LY75: variants seen among roughly 807,000 people sequenced by gnomAD.
LY75 encodes the protein C-type lectin domain family 13 member B.
Under a neutral mutation model 231.7 loss-of-function variants are expected in LY75, and 185 were observed. The observed-to-expected ratio is 0.80, with a 90% CI of 0.71 to 0.90. The LOEUF (loss-of-function observed/expected upper bound fraction) is 0.90. Among genes scored for constraint, LY75 ranks in the 40% least tolerant of loss-of-function variants. The pLI is 0.00. For missense variants in LY75, 1,947 were observed against 2,050.2 expected, an observed-to-expected ratio of 0.95 and a Z score of 0.97; for synonymous variants, 668 against 689.0, an observed-to-expected ratio of 0.97 and a Z score of 0.48.
At chr2:159,807,369 A>G (rs139915895) in intron 33 of LY75, among the ~76,000 whole-genome samples, 2 of 152,370 alleles carry the variant, frequency 1.3e-5, no homozygotes, top group East Asian at 1.9e-4. Flanking sequence ...GACAGTGCAG[A>G]TATAGAACAT....
intron 2 of LY75, among the ~76,000 whole-genome samples, chr2:159,894,369 T>C (rs1685848223): frequency 6.6e-6 from 1 of 152,146 alleles, no homozygotes; most frequent in African/African-American, 2.4e-5. Flanking sequence ...TCACTTACTG[T>C]GGTGTGATGA....
rs138452464 is a variant in LY75 at position 159,866,022 on chromosome 2, A to G, written c.2118-1102T>C. On this transcript the variant is annotated intron_variant, in intron 13 of 34. Transcript: ENST00000263636. Reference sequence around the variant, plus strand: ...TTTTAGGCGACCAATAATATTCCACATAATTTAACCTTTTGTTGGTACATG... The same window carrying G: ...TTTTAGGCGACCAATAATATTCCACGTAATTTAACCTTTTGTTGGTACATG... 3.5e-3 allele frequency among the ~76,000 whole-genome samples: 540 copies of G among 152,318 alleles called. 5 individuals carry two copies. Among genetic ancestry groups the G allele is most frequent in the African/African-American group, 0.012 (507 of 41,578 alleles).
intron 31 of LY75, among the ~76,000 whole-genome samples, chr2:159,813,187 G>T (rs1418230742): frequency 6.6e-6 from 1 of 152,162 alleles, no homozygotes; most frequent in African/African-American, 2.4e-5. Context: ...TGAAGTGCTG[G>T]ATCACATAGT....
chr2:159,847,861 A>T (rs1684249969), intron 23 of LY75, among the ~76,000 whole-genome samples: 1 of 152,030 alleles, frequency 6.6e-6, no homozygotes, highest in South Asian at 2.1e-4. Flanking sequence ...GGTAATGTGA[A>T]ATATAGGCTA....
chr2:159,889,611 A>C (rs1435232190), intron 4 of LY75, among the ~76,000 whole-genome samples: 1 of 151,914 alleles, frequency 6.6e-6, no homozygotes, highest in Non-Finnish European at 1.5e-5. Context: ...ACAAGGTGAT[A>C]CTTAAATTCT....
intron 33 of LY75, among the ~76,000 whole-genome samples, 174 bp from the exon 34 acceptor site, chr2:159,807,314 T>G (rs1459537080): frequency 6.6e-6 from 1 of 152,234 alleles, no homozygotes; most frequent in African/African-American, 2.4e-5. Context: ...ACTAGTCACA[T>G]TTCAAGTGCT....
chr2:159,854,760 A>T, intron 17 of LY75, 144 bp downstream of exon 17: 1 of 1,269,288 alleles, frequency 7.9e-7, no homozygotes, highest in African/African-American at 1.5e-5. Context: ...CTCATCCCAT[A>T]CCAGTCGCTC....
At chr2:159,886,610 A>G in intron 4 of LY75, 80 bp from the exon 5 acceptor site, 7 of 1,382,260 alleles carry the variant, frequency 5.1e-6, no homozygotes, top group Non-Finnish European at 6.8e-6. Context: ...TACTAATAAC[A>G]AACAAATCTG....
chr2:159,888,347 C>A (rs1257898333), intron 4 of LY75, among the ~76,000 whole-genome samples: 1 of 152,158 alleles, frequency 6.6e-6, no homozygotes. Context: ...CTGTGAATAT[C>A]CACTGCACAC....
intron 1 of LY75, among the ~76,000 whole-genome samples, chr2:159,900,485 T>C (rs901452556): frequency 6.6e-6 from 1 of 152,208 alleles, no homozygotes; most frequent in African/African-American, 2.4e-5. Context: ...CTGTAAAATT[T>C]TGGTTCCCAA....
chr2:159,860,885 G>A lies in LY75; in HGVS notation c.2204C>T (p.Ser735Phe). 6.2e-7 allele frequency: 1 copy of A among 1,613,894 alleles called. No homozygotes were observed. The highest frequency in any genetic ancestry group is 8.5e-7 in the Non-Finnish European group (1 of 1,179,858). ...AAACTCATTTGGCATGATAATAGTA[G>A]ACACCTGAAAAGACAAGAGAGGCTT... The part of the protein sequence containing the change: ...SWQWSDRTPV[S>F]TIIMPNEFQQ... Residue 735 changes from serine to phenylalanine, a missense_variant, in exon 15 of 35, where the codon TCT becomes TTT. Transcript: ENST00000263636.
intron 2 of LY75, among the ~76,000 whole-genome samples, chr2:159,897,828 A>C (rs952573992): frequency 6.6e-6 from 1 of 152,236 alleles, no homozygotes; most frequent in Non-Finnish European, 1.5e-5. Flanking sequence ...AATGGTTAAA[A>C]AAATAAATCT....
intron 23 of LY75, 65 bp from the exon 24 acceptor site, chr2:159,842,439 A>G (rs1684066001): frequency 5.3e-6 from 8 of 1,499,330 alleles, no homozygotes; most frequent in Non-Finnish European, 7.2e-6. Flanking sequence ...CTAGCAAGAA[A>G]AGTTTAGATT....
At chr2:159,823,183 G>A (rs545600663) in intron 28 of LY75, among the ~76,000 whole-genome samples, 9 of 152,212 alleles carry the variant, frequency 5.9e-5, no homozygotes, top group African/African-American at 2.2e-4. Flanking sequence ...CCCAATGCAA[G>A]GAAGCTAAGA....
At chr2:159,899,138 A>C in intron 1 of LY75, 79 bp from the exon 2 acceptor site, 2 of 1,536,436 alleles carry the variant, frequency 1.3e-6, no homozygotes, top group Admixed American at 3.8e-5. Flanking sequence ...GAGTCTGAGC[A>C]CTACTGGACT....
chr2:159,852,714 C>T lies in LY75; in HGVS notation c.2744-374G>A, dbSNP rs527362613. On this transcript the variant is annotated intron_variant, in intron 20 of 34. Coordinates refer to ENST00000263636, the MANE Select transcript of LY75 (RefSeq NM_002349.4). ...GATTACAGGCATGAGCCACCGTGCC[C>T]GGCCAAGTCAGCACATTTTAAAAGC... is the stretch of plus-strand genomic sequence containing the variant. Among the ~76,000 whole-genome samples, 6 of 152,238 alleles carry T rather than the reference C, an allele frequency of 3.9e-5. No individual in the cohort carries two copies. In the South Asian group the frequency reaches 6.2e-4, roughly 16 times the overall value.
chr2:159,874,561 T>C (rs1433288810), intron 12 of LY75, among the ~76,000 whole-genome samples: 1 of 56,092 alleles, frequency 1.8e-5, no homozygotes, highest in Non-Finnish European at 4.0e-5. Flanking sequence ...ATTTTGTAAA[T>C]CTATATAAAT....
At chr2:159,892,591 G>C (rs1265035122) in intron 3 of LY75, among the ~76,000 whole-genome samples, 1 of 152,140 alleles carries the variant, frequency 6.6e-6, no homozygotes, top group Non-Finnish European at 1.5e-5. Flanking sequence ...TAGGTCTGGA[G>C]CTCTTTCCTT....
chr2:159,875,006 G>T (rs1332128843), intron 12 of LY75, among the ~76,000 whole-genome samples: 7 of 137,950 alleles, frequency 5.1e-5, no homozygotes, highest in East Asian at 4.2e-4. Flanking sequence ...TATATATATT[G>T]TATATATAAA....
Sources: gnomAD v4.1 joint callset for allele counts (sites outside exome capture counted in the v4.1 genomes callset) on GRCh38, gnomAD v4.1.1 for gene constraint, MANE v1.5 for transcripts, NCBI Gene and HGNC (gene_info 2026-07-23, HGNC 2026-07-21) for gene names.